HIRA: variants seen among roughly 807,000 people sequenced by gnomAD.
The protein encoded by HIRA is protein HIRA.
Under a neutral mutation model 126.6 loss-of-function variants are expected in HIRA, and 13 were observed. The observed-to-expected ratio is 0.10, with a 90% CI of 0.07 to 0.16. The LOEUF (loss-of-function observed/expected upper bound fraction) is 0.16, where lower values mean the gene tolerates loss of function less well. HIRA is among the 10% of genes least tolerant of loss of function. The probability of loss-of-function intolerance (pLI) is 1.00; values close to 1 mark genes in which losing one functional copy is unlikely to be tolerated. For missense variants in HIRA, 834 were observed against 1,314.4 expected, an observed-to-expected ratio of 0.63 and a Z score of 5.65; for synonymous variants, 511 against 520.0, an observed-to-expected ratio of 0.98 and a Z score of 0.24.
In HIRA at chr22:19,396,795, A is replaced by T; in HGVS notation, c.646T>A (p.Phe216Ile). The T allele has an allele frequency of 6.2e-7, 1 of 1,614,078 alleles. No homozygotes were observed. Among genetic ancestry groups the T allele is most frequent in the Non-Finnish European group, 8.5e-7 (1 of 1,179,988 alleles). The change falls in exon 7 of 25, where the codon TTT becomes ATT. Residue 216 changes from phenylalanine (F) to isoleucine (I), a missense_variant. Physicochemically the swap from Phe to Ile is conservative, Grantham distance 21. This residue lies in a region of HIRA where 53 missense variants were observed against 163.7 expected (regional missense o/e 0.32). Coordinates refer to ENST00000263208, the MANE Select transcript of HIRA (RefSeq NM_003325.4). ...GAGCTGTCCCCACTTACCTCATCAA[A>T]AGGCTTGGTGATGCTGGTCTCCAAC... ...WQLETSITKPFDECGGTTHVL... is the reference protein window; with the variant it reads ...WQLETSITKPIDECGGTTHVL...
At chr22:19,408,422 A>G (rs369340328) in intron 3 of HIRA, 61 bp downstream of exon 3, 3 of 1,053,084 alleles carry the variant, frequency 2.8e-6, no homozygotes, top group African/African-American at 3.1e-5. Flanking sequence ...TTACAAACAC[A>G]TGTGCTAACC....
chr22:19,378,056 T>C lies in HIRA; in HGVS notation c.1426A>G (p.Thr476Ala). 2 of 1,575,970 alleles carry C rather than the reference T, an allele frequency of 1.3e-6. No homozygotes were observed. The highest frequency in any genetic ancestry group is 1.7e-6 in the Non-Finnish European group (2 of 1,157,990). ...IAQLDTGDFS[T>A]AFFNSIPLSG... ...AGGGGGATGCTGTTAAAGAATGCCG[T>C]GGAGAAGTCCCTGTCATCAAGTAAG... The change falls in exon 14 of 25, where the codon ACG becomes GCG. Residue 476 changes from threonine to alanine, a missense_variant. By Grantham distance (58) the Thr-to-Ala change is moderately conservative. Transcript: ENST00000263208.
At chr22:19,354,254 C>T (rs560518511) in intron 21 of HIRA, 136 bp from the exon 22 acceptor site, 8 of 799,974 alleles carry the variant, frequency 1.0e-5, no homozygotes, top group Admixed American at 5.9e-5. Flanking sequence ...AGAGGCTGAG[C>T]GCCCCTGCAC....
At chr22:19,338,632 T>C (rs2088593066) in intron 24 of HIRA, among the ~76,000 whole-genome samples, 1 of 152,092 alleles carries the variant, frequency 6.6e-6, no homozygotes, top group African/African-American at 2.4e-5. Flanking sequence ...AGATATTCCA[T>C]GCAAATACAA....
intron 15 of HIRA, among the ~76,000 whole-genome samples, chr22:19,363,289 A>G (rs1019204285): frequency 6.6e-6 from 1 of 151,216 alleles, no homozygotes; most frequent in Non-Finnish European, 1.5e-5. Flanking sequence ...TTAAAAATTT[A>G]ATTTTAACTA....
chr22:19,361,306 C>T lies in HIRA; in HGVS notation c.2016G>A (p.Met672Ile), dbSNP rs1187382309. ...GTGCAAGTGCTGGTGCAGACAGACACATGGCCTCCTTCTCTGCGGTTAGGG... is the reference window on the plus strand; with the variant it reads ...GTGCAAGTGCTGGTGCAGACAGACATATGGCCTCCTTCTCTGCGGTTAGGG... ...PAALTAEKEA[M>I]CLSAPALALK... Residue 672 changes from methionine (M) to isoleucine (I), a missense_variant, in exon 17 of 25, where the codon ATG becomes ATA. Met to Ile is a conservative substitution (Grantham distance 10). Coordinates refer to ENST00000263208, the MANE Select transcript of HIRA (RefSeq NM_003325.4). 6.2e-7 allele frequency: 1 copy of T among 1,614,216 alleles called. No homozygotes were observed. The highest frequency in any genetic ancestry group is 1.7e-5 in the Admixed American group (1 of 60,032).
At chr22:19,356,785 G>T in intron 19 of HIRA, 105 bp downstream of exon 19, 1 of 1,172,596 alleles carries the variant, frequency 8.5e-7, no homozygotes, top group Non-Finnish European at 1.2e-6. Flanking sequence ...GGGGCCTGAT[G>T]GCCAGCCTTG....
chr22:19,344,501 T>C lies in HIRA; in HGVS notation c.2937+6857A>G, dbSNP rs190551195. Among the ~76,000 whole-genome samples, 218 of 152,226 alleles carry C rather than the reference T, an allele frequency of 1.4e-3. 4 individuals carry two copies. The East Asian group carries it at 0.039, about 27-fold the overall frequency. ...ACGGATCTCTAATGAGCAAGAAAAC[T>C]GAATCAATAAAACAAACCCTCTCAT... On this transcript the variant is annotated intron_variant, in intron 24 of 24. Coordinates refer to ENST00000263208, the MANE Select transcript of HIRA (RefSeq NM_003325.4).
chr22:19,382,982 G>A (rs1411901074), intron 13 of HIRA, among the ~76,000 whole-genome samples: 6 of 152,160 alleles, frequency 3.9e-5, no homozygotes, highest in South Asian at 4.2e-4. Flanking sequence ...AACCACAGGT[G>A]AGCTCAAAGA....
At chr22:19,356,819 A>C in intron 19 of HIRA, 71 bp downstream of exon 19, 1 of 1,448,638 alleles carries the variant, frequency 6.9e-7, no homozygotes, top group South Asian at 1.2e-5. Context: ...CTGCCCCTGC[A>C]GTGAGGTGGG....
rs200886986 is a variant in HIRA at position 19,396,819 on chromosome 22, A to G, written c.622T>C (p.Leu208=). 1.9e-6 allele frequency: 3 copies of G among 1,614,132 alleles called. No homozygotes were observed. The African/African-American group carries it at 4.0e-5, about 22-fold the overall frequency. The change falls in exon 7 of 25, where the codon TTG becomes CTG. Residue 208 remains leucine (L), a synonymous_variant. Coordinates refer to ENST00000263208, the MANE Select transcript of HIRA (RefSeq NM_003325.4). ...LKVWRTLDWQ[L]ETSITKPFDE... ...AAAGGCTTGGTGATGCTGGTCTCCA[A>G]CTGCCAGTCCAGCGTCCTCCACACC...
intron 15 of HIRA, among the ~76,000 whole-genome samples, chr22:19,364,789 T>A (rs993559480): frequency 6.6e-6 from 1 of 152,170 alleles, no homozygotes; most frequent in Non-Finnish European, 1.5e-5. Context: ...GGCCTCTAAG[T>A]AAGTGTTAAA....
Position 19,398,094 on chromosome 22 carries a change from G to A in HIRA, c.398-7C>T. ...CATGCTACATCCATCACATCTGAAA[G>A]AAGACAGAGGGTTCTGGTGAGATCT... On this transcript the variant is annotated splice_region_variant and splice_polypyrimidine_tract_variant and intron_variant, in intron 5 of 24. Transcript: ENST00000263208. 1 of 1,610,282 alleles carries A rather than the reference G, an allele frequency of 6.2e-7. No homozygotes were observed. Among genetic ancestry groups the A allele is most frequent in the Non-Finnish European group, 8.5e-7 (1 of 1,176,692 alleles).
At chr22:19,348,528 C>A in intron 24 of HIRA, among the ~76,000 whole-genome samples, 1 of 151,374 alleles carries the variant, frequency 6.6e-6, no homozygotes, top group Non-Finnish European at 1.5e-5. Context: ...CAGAGTCTCA[C>A]CCTGTCGCCT....
chr22:19,334,557 C>T (rs1027393043), intron 24 of HIRA, among the ~76,000 whole-genome samples: 6 of 151,226 alleles, frequency 4.0e-5, no homozygotes, highest in South Asian at 2.1e-4. Context: ...GAGGCTGAGG[C>T]GGCTGGATCA....
chr22:19,383,213 GT>G (rs953923970), intron 13 of HIRA, among the ~76,000 whole-genome samples: 5 of 151,606 alleles, frequency 3.3e-5, no homozygotes, highest in African/African-American at 9.7e-5. Context: ...TATGGATAAT[GT>G]TTTTTTCTTC....
At chr22:19,398,439 C>T (rs781682311) in intron 5 of HIRA, among the ~76,000 whole-genome samples, 3 of 152,202 alleles carry the variant, frequency 2.0e-5, no homozygotes, top group African/African-American at 4.8e-5. Flanking sequence ...GGCCTTCCTC[C>T]GAGAGCCTTC....
At chr22:19,406,829 C>T (rs1377083243) in intron 4 of HIRA, among the ~76,000 whole-genome samples, 1 of 152,178 alleles carries the variant, frequency 6.6e-6, no homozygotes, top group African/African-American at 2.4e-5. Flanking sequence ...ATCCCCTGCC[C>T]CAGATCCTGG....
chr22:19,421,820 T>C (rs974211931), intron 1 of HIRA, among the ~76,000 whole-genome samples: 4 of 152,122 alleles, frequency 2.6e-5, no homozygotes, highest in African/African-American at 9.7e-5. Flanking sequence ...TACAGGTACA[T>C]GCCACCACAC....
Sources: gnomAD v4.1 joint callset for allele counts (sites outside exome capture counted in the v4.1 genomes callset) on GRCh38, gnomAD v4.1.1 for gene constraint, gnomAD v4.1.1 regional missense constraint, MANE v1.5 for transcripts, NCBI Gene and HGNC (gene_info 2026-07-23, HGNC 2026-07-21) for gene names.